ZBTB20: variants seen among roughly 807,000 people sequenced by gnomAD.
ZBTB20 encodes zinc finger and BTB domain-containing protein 20.
ZBTB20 carries 9 observed loss-of-function variants against 56.9 expected under a neutral mutation model. That is an observed-to-expected ratio of 0.16 (90% confidence interval 0.10 to 0.28). ZBTB20 has a LOEUF of 0.28. Ranked by LOEUF, ZBTB20 falls within the 10% of genes least tolerant of loss-of-function variation. The pLI is 1.00. For synonymous variants in ZBTB20, 417 were observed against 420.7 expected (o/e 0.99, Z 0.11); for missense variants, 655 against 1,003.0 (o/e 0.65, Z 4.69).
intron 6 of ZBTB20, among the ~76,000 whole-genome samples, chr3:114,537,492 G>A (rs1216121698): frequency 1.3e-5 from 2 of 152,196 alleles, no homozygotes; most frequent in Non-Finnish European, 2.9e-5. Flanking sequence ...AACAACAGAT[G>A]CTGGAGAGGA....
intron 6 of ZBTB20, among the ~76,000 whole-genome samples, chr3:114,590,492 T>G (rs1432034333): frequency 7.0e-6 from 1 of 142,194 alleles, no homozygotes; most frequent in Non-Finnish European, 1.5e-5. Flanking sequence ...ATTTATTTAT[T>G]AATTTATTTA....
rs150778973 is a variant in ZBTB20, at chr3:115,063,410, C to T, written c.-507+7809G>A. 3.3e-5 allele frequency among the ~76,000 whole-genome samples: 5 copies of T among 152,242 alleles called. No individual in the cohort carries two copies. In the South Asian group the frequency reaches 1.0e-3, roughly 32 times the overall value. ...TTTGCATATAGTAGTCTTCTCACTGCGTCCTCACATGATGGAGGGCCAAGA... is the reference window on the plus strand; with the variant it reads ...TTTGCATATAGTAGTCTTCTCACTGTGTCCTCACATGATGGAGGGCCAAGA... On this transcript the variant is annotated intron_variant, in intron 2 of 11. Coordinates refer to ENST00000675478, the MANE Select transcript of ZBTB20 (RefSeq NM_001348800.3).
At chr3:114,503,866 T>C (rs947847619) in intron 6 of ZBTB20, among the ~76,000 whole-genome samples, 1 of 152,196 alleles carries the variant, frequency 6.6e-6, no homozygotes, top group African/African-American at 2.4e-5. Context: ...GTGTAGTTTA[T>C]GTAAAGTTCT....
At chr3:114,872,481 AC>A (rs1332481059) in intron 4 of ZBTB20, among the ~76,000 whole-genome samples, 1 of 152,150 alleles carries the variant, frequency 6.6e-6, no homozygotes, top group Non-Finnish European at 1.5e-5. Context: ...AAGAAAGAGA[AC>A]AGGAAGAAAT....
intron 5 of ZBTB20, among the ~76,000 whole-genome samples, chr3:114,781,669 G>A (rs1386745325): frequency 6.6e-6 from 1 of 152,122 alleles, no homozygotes; most frequent in Non-Finnish European, 1.5e-5. Flanking sequence ...ATTTAGCTGT[G>A]TCCCCATCCA....
chr3:114,925,041 T>A (rs1367444432), intron 3 of ZBTB20, among the ~76,000 whole-genome samples: 1 of 147,392 alleles, frequency 6.8e-6, no homozygotes, highest in African/African-American at 2.5e-5. Flanking sequence ...TGGAGTGCAG[T>A]GGCGCAATCT....
At chr3:114,955,957 A>T (rs931552834) in intron 3 of ZBTB20, among the ~76,000 whole-genome samples, 14 of 152,192 alleles carry the variant, frequency 9.2e-5, no homozygotes, top group Non-Finnish European at 1.9e-4. Context: ...GTTTAAATCT[A>T]AAGTTTGGTG....
At chr3:114,963,173 G>C (rs1188808131) in intron 3 of ZBTB20, among the ~76,000 whole-genome samples, 1 of 151,938 alleles carries the variant, frequency 6.6e-6, no homozygotes, top group Non-Finnish European at 1.5e-5. Flanking sequence ...TGTGAAAGAG[G>C]TAGTAATTAA....
intron 7 of ZBTB20, among the ~76,000 whole-genome samples, chr3:114,474,309 C>T (rs888582574): frequency 6.6e-6 from 1 of 152,220 alleles, no homozygotes; most frequent in African/African-American, 2.4e-5. Context: ...CAAACTAGTT[C>T]ATTATTTTAG....
At chr3:114,393,081 C>A (rs1484536722) in intron 7 of ZBTB20, among the ~76,000 whole-genome samples, 2 of 152,198 alleles carry the variant, frequency 1.3e-5, no homozygotes, top group Non-Finnish European at 2.9e-5. Context: ...CTCTTTTTGG[C>A]CAGTATGGTG....
intron 6 of ZBTB20, among the ~76,000 whole-genome samples, chr3:114,589,699 T>A (rs919279985): frequency 6.6e-6 from 1 of 152,210 alleles, no homozygotes; most frequent in Non-Finnish European, 1.5e-5. Flanking sequence ...TCTTTTTGCA[T>A]AAAAACTTTC....
chr3:115,071,878 A>G (rs1242564382), intron 1 of ZBTB20, among the ~76,000 whole-genome samples: 1 of 152,160 alleles, frequency 6.6e-6, no homozygotes, highest in Non-Finnish European at 1.5e-5. Context: ...ACATCACACA[A>G]AGGGATGAAA....
chr3:115,053,703 A>G (rs1313749211), intron 2 of ZBTB20, among the ~76,000 whole-genome samples: 2 of 152,134 alleles, frequency 1.3e-5, no homozygotes, highest in Non-Finnish European at 2.9e-5. Context: ...AAGAATTTCC[A>G]TATTGAAACC....
At chr3:114,686,408 C>T (rs2062346634) in intron 6 of ZBTB20, among the ~76,000 whole-genome samples, 3 of 152,194 alleles carry the variant, frequency 2.0e-5, no homozygotes, top group South Asian at 2.1e-4. Context: ...ATGAGAGATG[C>T]TGTGCAGGAA....
chr3:114,563,254 T>C (rs150409499), intron 6 of ZBTB20, among the ~76,000 whole-genome samples: 12 of 152,334 alleles, frequency 7.9e-5, no homozygotes, highest in Admixed American at 3.3e-4. Context: ...CTTTTTTGAA[T>C]AGCAGATGAG....
At chr3:115,109,813 A>C (rs2108623383) in intron 1 of ZBTB20, among the ~76,000 whole-genome samples, 1 of 152,308 alleles carries the variant, frequency 6.6e-6, no homozygotes, top group South Asian at 2.1e-4. Flanking sequence ...TAAGTATCTC[A>C]AAGTAAAATT....
chr3:114,661,556 G>A (rs1296030140), intron 6 of ZBTB20, among the ~76,000 whole-genome samples: 2 of 152,114 alleles, frequency 1.3e-5, no homozygotes, highest in African/African-American at 4.8e-5. Flanking sequence ...TCTTAGCACT[G>A]TTGTTCTCCT....
At chr3:114,704,945 A>G (rs1028708794) in intron 5 of ZBTB20, among the ~76,000 whole-genome samples, 10 of 152,124 alleles carry the variant, frequency 6.6e-5, no homozygotes, top group Admixed American at 6.6e-5. Context: ...AATGTAAACA[A>G]ACAACATTCA....
chr3:115,144,429 T>G (rs1366389722), intron 1 of ZBTB20, among the ~76,000 whole-genome samples: 1 of 152,200 alleles, frequency 6.6e-6, no homozygotes, highest in African/African-American at 2.4e-5. Context: ...TATTTTTTCC[T>G]TAGATTTTCT....
Sources: gnomAD v4.1 joint callset for allele counts (sites outside exome capture counted in the v4.1 genomes callset) on GRCh38, gnomAD v4.1.1 for gene constraint, MANE v1.5 for transcripts, NCBI Gene and HGNC (gene_info 2026-07-23, HGNC 2026-07-21) for gene names.